XG: variants seen among roughly 807,000 people sequenced by gnomAD.
XG encodes glycoprotein Xg.
In XG, 24 loss-of-function variants were observed where a neutral mutation model predicts 25.7. The observed-to-expected ratio is 0.93, with a 90% CI of 0.68 to 1.31. XG has a LOEUF of 1.31. Among genes scored for constraint, XG ranks in the 40% most tolerant of loss-of-function variants. The probability of loss-of-function intolerance (pLI) is 0.00; values close to 1 mark genes in which losing one functional copy is unlikely to be tolerated. For missense variants in XG, 181 were observed against 187.6 expected (o/e 0.96, Z 0.21); for synonymous variants, 77 against 69.2 (o/e 1.11, Z -0.56).
chrX:2,778,596 G>C (rs1215241023), intron 3 of XG, among the ~76,000 whole-genome samples: 1 of 152,092 alleles, frequency 6.6e-6, no homozygotes, highest in Non-Finnish European at 1.5e-5. Context: ...CAGAGACAGA[G>C]AAACTGAGCA....
chrX:2,774,719 C>T lies in XG; in HGVS notation c.107C>T (p.Pro36Leu). 6.2e-7 allele frequency: 1 copy of T among 1,613,722 alleles called. No homozygotes were observed. Among genetic ancestry groups the T allele is most frequent in the South Asian group, 1.1e-5 (1 of 91,052 alleles). Reference sequence around the variant, plus strand: ...TATTTTCTCTCTTTGTTCACAGAACCCACCAAGAAGCCAAACTCAGGTGAG... The same window carrying T: ...TATTTTCTCTCTTTGTTCACAGAACTCACCAAGAAGCCAAACTCAGGTGAG... Reference protein sequence around the residue: ...DLADALDDPEPTKKPNSDIYP... With the variant: ...DLADALDDPELTKKPNSDIYP... The change falls in exon 3 of 11, where the codon CCC becomes CTC. Residue 36 changes from proline to leucine, a missense_variant. Transcript: ENST00000644266.
At chrX:2,800,508 C>T (rs1388110887) in intron 7 of XG, among the ~76,000 whole-genome samples, 1 of 112,137 alleles carries the variant, frequency 8.9e-6, no homozygotes, top group East Asian at 2.8e-4. Context: ...ACCTCGGAAG[C>T]GAGTGTTGTC....
At chrX:2,762,759 T>A (rs1413159596) in intron 1 of XG, among the ~76,000 whole-genome samples, 1 of 152,102 alleles carries the variant, frequency 6.6e-6, no homozygotes, top group Non-Finnish European at 1.5e-5. Flanking sequence ...ATGATTTAAT[T>A]TTTTTTACTC....
chrX:2,757,589 G>C (rs2050462331), intron 1 of XG, among the ~76,000 whole-genome samples: 1 of 152,034 alleles, frequency 6.6e-6, no homozygotes, highest in Admixed American at 6.6e-5. Flanking sequence ...GTTGAGTAAA[G>C]GTAAGTGAGG....
At chrX:2,801,809 C>T (rs1344090799) in intron 7 of XG, among the ~76,000 whole-genome samples, 27 of 111,059 alleles carry the variant, frequency 2.4e-4, no homozygotes, top group African/African-American at 5.9e-4. Context: ...CCCGGGTTCA[C>T]GCCATTCTCC....
At chrX:2,754,497 C>G (rs1174004194) in intron 1 of XG, among the ~76,000 whole-genome samples, 3 of 152,126 alleles carry the variant, frequency 2.0e-5, no homozygotes, top group Admixed American at 6.5e-5. Context: ...GAGTGTCGTG[C>G]CTGATGTCAT....
In XG at chrX:2,758,457, G is replaced by A. The variant is rs34898450; in HGVS notation, c.61+6122G>A. Among the ~76,000 whole-genome samples, 118 of 152,340 alleles carry A rather than the reference G, an allele frequency of 7.7e-4. No individual in the cohort carries two copies. The East Asian group carries it at 0.014, about 18-fold the overall frequency. On this transcript the variant is annotated intron_variant, in intron 1 of 10. Coordinates refer to ENST00000644266, the MANE Select transcript of XG (RefSeq NM_001141919.2). Reference sequence around the variant, plus strand: ...AGAGATGATGACTCCGTGTGCAACCGTGTGGTTACCTTTGCGTGGAGTCTC... The same window carrying A: ...AGAGATGATGACTCCGTGTGCAACCATGTGGTTACCTTTGCGTGGAGTCTC...
intron 1 of XG, among the ~76,000 whole-genome samples, chrX:2,764,077 C>T (rs1357519974): frequency 1.3e-5 from 2 of 152,150 alleles, no homozygotes; most frequent in African/African-American, 4.8e-5. Flanking sequence ...GTAAAGAAGT[C>T]GGCCAAATTT....
chrX:2,794,198 C>T (rs1186145547), intron 5 of XG, among the ~76,000 whole-genome samples: 4 of 111,151 alleles, frequency 3.6e-5, no homozygotes, highest in Admixed American at 9.6e-5. Flanking sequence ...GATGGGGCAC[C>T]CTGAGAGAGG....
chrX:2,774,515 G>C (rs2050931359), intron 2 of XG, among the ~76,000 whole-genome samples: 1 of 152,122 alleles, frequency 6.6e-6, no homozygotes, highest in South Asian at 2.1e-4. Context: ...ACAGCCTCAA[G>C]GGTGGATTGT....
rs1424224428 is a variant in XG at position 2,796,518 on chromosome X, ATTTATC to A, written c.323-786_323-781del. Reference sequence around the variant, plus strand: ...TATATATACACCTTTATATATGTACATTTATCTTTATACACACAGACATATATAAAC... The same window carrying A: ...TATATATACACCTTTATATATGTACATTTATACACACAGACATATATAAAC... On this transcript the variant is annotated intron_variant, in intron 6 of 10. Coordinates refer to ENST00000644266, the MANE Select transcript of XG (RefSeq NM_001141919.2). Among the ~76,000 whole-genome samples the A allele has an allele frequency of 1.2e-4, 13 of 109,157 alleles. No homozygotes were observed. The East Asian group carries it at 3.7e-3, about 31-fold the overall frequency. The allele number at this position is 109,157 out of a possible 115,157, so 94.8% of individuals were successfully genotyped here. A position where few individuals can be genotyped will look rare whatever the true frequency, so the allele number is the denominator to read the frequency against.
At chrX:2,775,024 G>T in intron 3 of XG, 1 of 453,598 alleles carries the variant, frequency 2.2e-6, no homozygotes, top group Non-Finnish European at 4.0e-6. Flanking sequence ...CAGTGCTGGT[G>T]GGAGTCTAAA....
chrX:2,774,723 C>T lies in XG; in HGVS notation c.111C>T (p.Thr37=). Residue 37 remains threonine, a synonymous_variant, in exon 3 of 11, where the codon ACC becomes ACT. Transcript: ENST00000644266. ...TTCTCTCTTTGTTCACAGAACCCAC[C>T]AAGAAGCCAAACTCAGGTGAGTGTC... ...LADALDDPEP[T]KKPNSDIYPK... 1 of 1,613,724 alleles carries T rather than the reference C, an allele frequency of 6.2e-7. No homozygotes were observed. Among genetic ancestry groups the T allele is most frequent in the Non-Finnish European group, 8.5e-7 (1 of 1,179,824 alleles).
chrX:2,756,392 G>A (rs2050436032), intron 1 of XG, among the ~76,000 whole-genome samples: 1 of 152,138 alleles, frequency 6.6e-6, no homozygotes, highest in African/African-American at 2.4e-5. Context: ...TACATAATCA[G>A]TAGGGTGACT....
chrX:2,787,881 TGGGCAACAACAG>T lies in XG; in HGVS notation c.191-1762_191-1751del, dbSNP rs2086799172. ...GAGATTGTGCCACTGCACTCCAGCC[TGGGCAACAACAG>T]CAAAACTCCTTCTCAAAAAAAAAAA... On this transcript the variant is annotated intron_variant, in intron 4 of 10. Transcript: ENST00000644266. 1.2e-4 allele frequency among the ~76,000 whole-genome samples: 11 copies of T among 88,197 alleles called. No individual in the cohort carries two copies. In the South Asian group the frequency reaches 6.3e-3, roughly 51 times the overall value. The allele number at this position is 88,197 out of a possible 115,157, so 76.6% of individuals were successfully genotyped here. A position where few individuals can be genotyped will look rare whatever the true frequency, so the allele number is the denominator to read the frequency against.
chrX:2,814,324 T>TC (rs755950440), intron 10 of XG, 40 bp from the exon 11 acceptor site: 7 of 1,189,260 alleles, frequency 5.9e-6, no homozygotes, highest in Non-Finnish European at 7.9e-6. Flanking sequence ...ACTTTTTTTT[T>TC]TGCCCCCACA....
intron 5 of XG, among the ~76,000 whole-genome samples, chrX:2,792,527 CTTTCTTTTTCTT>C (rs1277582290): frequency 1.1e-5 from 1 of 90,395 alleles, no homozygotes; most frequent in Admixed American, 1.5e-4. Context: ...TTTTCTTTTT[CTTTCTTTTTCTT>C]TTTCTTTGTG....
At chrX:2,783,706 G>T (rs2086754881) in intron 4 of XG, among the ~76,000 whole-genome samples, 1 of 112,881 alleles carries the variant, frequency 8.9e-6, no homozygotes. Flanking sequence ...CGGGCGTGGG[G>T]GCTCACGCCT....
intron 1 of XG, among the ~76,000 whole-genome samples, chrX:2,767,228 G>C (rs2050720022): frequency 6.6e-6 from 1 of 152,090 alleles, no homozygotes; most frequent in South Asian, 2.1e-4. Flanking sequence ...GAGGGGTTTG[G>C]TGACTGCAGG....
Sources: gnomAD v4.1 joint callset for allele counts (sites outside exome capture counted in the v4.1 genomes callset) on GRCh38, gnomAD v4.1.1 for gene constraint, MANE v1.5 for transcripts, NCBI Gene and HGNC (gene_info 2026-07-23, HGNC 2026-07-21) for gene names.